NAV2: variants seen among roughly 807,000 people sequenced by gnomAD.
NAV2 encodes the protein neuron navigator 2, also known as helicase, APC down-regulated 1.
Under a neutral mutation model 223.2 loss-of-function variants are expected in NAV2, and 54 were observed. The observed-to-expected ratio is 0.24, with a 90% CI of 0.19 to 0.30. The LOEUF is 0.30. NAV2 is among the 10% of genes least tolerant of loss of function. The pLI, the probability that NAV2 is intolerant of heterozygous loss-of-function variation, is 1.00. For missense variants in NAV2, 2,806 were observed against 3,147.5 expected, an observed-to-expected ratio of 0.89 and a Z score of 2.60; for synonymous variants, 1,279 against 1,239.3, an observed-to-expected ratio of 1.03 and a Z score of -0.67.
At chr11:19,960,667 GC>G (rs1466889177) in intron 10 of NAV2, among the ~76,000 whole-genome samples, 2 of 151,358 alleles carry the variant, frequency 1.3e-5, no homozygotes. Context: ...AGGCTGGAGG[GC>G]AGTGGCACAA....
chr11:19,353,873 C>CT (rs1853462813), intron 1 of NAV2, among the ~76,000 whole-genome samples: 1 of 152,122 alleles, frequency 6.6e-6, no homozygotes, highest in Admixed American at 6.5e-5. Flanking sequence ...TTATTCTTGA[C>CT]TTTTTTTGGT....
At chr11:19,916,641 C>A (rs2043833425) in intron 6 of NAV2, among the ~76,000 whole-genome samples, 1 of 152,182 alleles carries the variant, frequency 6.6e-6, no homozygotes, top group African/African-American at 2.4e-5. Context: ...TGAAACAGAG[C>A]CCCAGGCTTT....
intron 1 of NAV2, among the ~76,000 whole-genome samples, chr11:19,617,728 C>A (rs775885430): frequency 6.6e-6 from 1 of 152,198 alleles, no homozygotes; most frequent in Non-Finnish European, 1.5e-5. Flanking sequence ...AGCAGTACAA[C>A]AATGATCTGG....
intron 1 of NAV2, among the ~76,000 whole-genome samples, chr11:19,788,233 A>G (rs1458941402): frequency 1.3e-5 from 2 of 152,168 alleles, no homozygotes; most frequent in Admixed American, 1.3e-4. Flanking sequence ...TACCCATTGT[A>G]AAATGTTTAG....
chr11:19,555,826 C>A (rs1383658626), intron 1 of NAV2, among the ~76,000 whole-genome samples: 1 of 152,188 alleles, frequency 6.6e-6, no homozygotes, highest in Non-Finnish European at 1.5e-5. Context: ...GAAGATGTAC[C>A]TTCCTCGAGC....
chr11:19,819,162 C>T (rs1427392894), intron 1 of NAV2, among the ~76,000 whole-genome samples: 2 of 152,168 alleles, frequency 1.3e-5, no homozygotes, highest in Non-Finnish European at 2.9e-5. Flanking sequence ...AAAACTTGTT[C>T]TCTACTCTAT....
At chr11:19,994,524 C>T (rs1464130759) in intron 11 of NAV2, among the ~76,000 whole-genome samples, 1 of 133,150 alleles carries the variant, frequency 7.5e-6, no homozygotes. Flanking sequence ...CCAGCCTGGG[C>T]GACAAGAGCA....
intron 1 of NAV2, among the ~76,000 whole-genome samples, chr11:19,355,440 G>A (rs1277372756): frequency 2.0e-5 from 3 of 152,070 alleles, no homozygotes; most frequent in East Asian, 1.9e-4. Flanking sequence ...AACTGCTCTG[G>A]ATCTGCCAAG....
intron 1 of NAV2, among the ~76,000 whole-genome samples, chr11:19,748,624 G>A (rs763988354): frequency 2.3e-4 from 35 of 152,328 alleles, no homozygotes; most frequent in Non-Finnish European, 4.7e-4. Context: ...ATGCATATCT[G>A]TTAAATGAAT....
chr11:19,680,970 T>C (rs931408875), intron 1 of NAV2, among the ~76,000 whole-genome samples: 15 of 152,262 alleles, frequency 9.9e-5, no homozygotes, highest in African/African-American at 3.4e-4. Flanking sequence ...CCAACATTTT[T>C]GCAGCACTTA....
At chr11:19,718,676 T>A (rs971604101) in intron 1 of NAV2, among the ~76,000 whole-genome samples, 2 of 151,604 alleles carry the variant, frequency 1.3e-5, no homozygotes, top group African/African-American at 4.8e-5. Context: ...ATAGCATGGT[T>A]ATCTGCCAAC....
intron 1 of NAV2, among the ~76,000 whole-genome samples, chr11:19,733,692 C>A (rs1227448043): frequency 1.3e-5 from 2 of 152,012 alleles, no homozygotes; most frequent in African/African-American, 4.8e-5. Flanking sequence ...TTTTCAAGGA[C>A]AGAAAGCTAT....
At position 19,653,239 on chromosome 11, in the gene NAV2, G is replaced by A. The variant is rs558629767; in HGVS notation, c.76-179245G>A. On this transcript the variant is annotated intron_variant, in intron 1 of 37. Coordinates refer to the NAV2 transcript ENST00000360655. Reference sequence around the variant, plus strand: ...TTGTTAATGTTTCATGATGGATGGCGGTGAAACATGGGAAATGTACCAGCC... The same window carrying A: ...TTGTTAATGTTTCATGATGGATGGCAGTGAAACATGGGAAATGTACCAGCC... 7.9e-5 allele frequency among the ~76,000 whole-genome samples: 12 copies of A among 152,200 alleles called. No homozygotes were observed. In the East Asian group the frequency reaches 1.4e-3, roughly 17 times the overall value.
rs962640092 is a variant in NAV2, at chr11:19,678,836, G to A, written c.76-153648G>A. Among the ~76,000 whole-genome samples, 13 of 152,304 alleles carry A rather than the reference G, an allele frequency of 8.5e-5. 1 individual carries two copies. The South Asian group carries it at 1.2e-3, about 15-fold the overall frequency. Reference sequence around the variant, plus strand: ...GCAGATCTTATTTGTGTAAGACAGCGAGGAGAGGTGGGGCCTGTGGAGAAT... The same window carrying A: ...GCAGATCTTATTTGTGTAAGACAGCAAGGAGAGGTGGGGCCTGTGGAGAAT... On this transcript the variant is annotated intron_variant, in intron 1 of 37. Transcript: ENST00000360655.
intron 1 of NAV2, among the ~76,000 whole-genome samples, chr11:19,719,608 C>G (rs1362644307): frequency 6.6e-6 from 1 of 152,132 alleles, no homozygotes; most frequent in Non-Finnish European, 1.5e-5. Context: ...AGGTCAGATC[C>G]AAGTTTGGAA....
chr11:19,428,604 AC>A (rs1446887182), intron 1 of NAV2, among the ~76,000 whole-genome samples: 1 of 152,250 alleles, frequency 6.6e-6, no homozygotes, highest in East Asian at 1.9e-4. Context: ...CAATGGTGAT[AC>A]TTGAATGCGA....
chr11:19,353,215 T>C (rs1208950886), intron 1 of NAV2, among the ~76,000 whole-genome samples: 1 of 152,212 alleles, frequency 6.6e-6, no homozygotes, highest in Non-Finnish European at 1.5e-5. Flanking sequence ...AAGAGATGTT[T>C]AGCGAAAGAC....
intron 1 of NAV2, among the ~76,000 whole-genome samples, chr11:19,486,954 C>G (rs185263542): frequency 6.6e-6 from 1 of 152,206 alleles, no homozygotes; most frequent in African/African-American, 2.4e-5. Flanking sequence ...GGGAAAGTTG[C>G]AACCAAGTGT....
chr11:19,541,302 A>G (rs2044334967), intron 1 of NAV2, among the ~76,000 whole-genome samples: 1 of 152,208 alleles, frequency 6.6e-6, no homozygotes, highest in Admixed American at 6.5e-5. Context: ...CTTTCTACCA[A>G]AAATGTGACC....
Sources: gnomAD v4.1 joint callset for allele counts (sites outside exome capture counted in the v4.1 genomes callset) on GRCh38, gnomAD v4.1.1 for gene constraint, MANE v1.5 for transcripts, NCBI Gene and HGNC (gene_info 2026-07-23, HGNC 2026-07-21) for gene names.